Variants in HERC2 observed in about 807,000 individuals in gnomAD.
HERC2 encodes the protein E3 ubiquitin-protein ligase HERC2.
HERC2 carries 102 observed loss-of-function variants against 537.7 expected under a neutral mutation model. That is an observed-to-expected ratio of 0.19 (90% CI 0.16 to 0.22). HERC2 has a LOEUF of 0.22. Ranked by LOEUF, HERC2 falls within the 10% of genes least tolerant of loss-of-function variation. The pLI is 1.00. For synonymous variants in HERC2, 2,224 were observed against 2,466.2 expected (o/e 0.90, Z 2.91); for missense variants, 4,236 against 6,198.2 (o/e 0.68, Z 10.63).
At chr15:28,264,725 CT>C (rs2075514840) in intron 14 of HERC2, among the ~76,000 whole-genome samples, 2 of 152,212 alleles carry the variant, frequency 1.3e-5, no homozygotes, top group African/African-American at 4.8e-5. Flanking sequence ...CAGCTTAGAC[CT>C]TACAAAACTT....
chr15:28,246,821 C>T lies in HERC2; in HGVS notation c.3312G>A (p.Leu1104=), dbSNP rs143557450. The change falls in exon 22 of 93, where the codon CTG becomes CTA. Residue 1104 remains leucine (L), a synonymous_variant. Transcript: ENST00000261609. The part of the protein sequence containing the change: ...ALLCTHIGDI[L]PVAASIASTS... ...TAGAAGCAATGCTGGCGGCCACAGG[C>T]AGTATATCTCCAATGTGCGTGCACA... is the stretch of plus-strand genomic sequence containing the variant. 1,309 of 1,610,690 alleles carry T rather than the reference C, an allele frequency of 8.1e-4. 6 individuals carry two copies. In the African/African-American group the frequency reaches 0.016, roughly 20 times the overall value.
Position 28,113,283 on chromosome 15 carries a change from C to T in HERC2, c.14020G>A (p.Val4674Met), listed in dbSNP as rs1396293557. Residue 4674 changes from valine (V) to methionine (M), a missense_variant and splice_region_variant, in exon 92 of 93, where the codon GTG becomes ATG. By Grantham distance (21) the Val-to-Met change is conservative (BLOSUM62 1). Around this residue, in one of 27 missense-constraint regions of HERC2, gnomAD observed 313 missense variants for 462.6 expected, o/e 0.68. Transcript: ENST00000261609. This position sits in a 1 kb window ranked among gnomAD's most constrained non-coding sequence, Gnocchi z 7.0. Reference sequence around the variant, plus strand: ...AGCGGGATGTCAGGGCTGCCACACACCTGCGGGAGGATGTCTGTCAGGGCC... The same window carrying T: ...AGCGGGATGTCAGGGCTGCCACACATCTGCGGGAGGATGTCTGTCAGGGCC... ...LFTGYELETM[V>M]CGSPDIPLHL... 6.2e-7 allele frequency: 1 copy of T among 1,613,976 alleles called. No individual in the cohort carries two copies. Among genetic ancestry groups the T allele is most frequent in the South Asian group, 1.1e-5 (1 of 91,086 alleles).
chr15:28,314,452 C>T (rs1371269425), intron 2 of HERC2, among the ~76,000 whole-genome samples: 34 of 152,108 alleles, frequency 2.2e-4, no homozygotes, highest in Admixed American at 2.2e-3. Context: ...GTGATTTTAG[C>T]CTACTCTGCC....
At chr15:28,287,621 A>G (rs1410636227) in intron 4 of HERC2, among the ~76,000 whole-genome samples, 1 of 152,120 alleles carries the variant, frequency 6.6e-6, no homozygotes, top group Non-Finnish European at 1.5e-5. Flanking sequence ...AGGAGCTTCA[A>G]ATGCATTACT....
chr15:28,295,317 G>A (rs1410202734), intron 3 of HERC2, among the ~76,000 whole-genome samples: 6 of 134,514 alleles, frequency 4.5e-5, no homozygotes, highest in Admixed American at 2.2e-4. Context: ...GTGGGGGGGG[G>A]GGAGTGGGGG....
At chr15:28,159,192 G>A (rs995842953) in intron 69 of HERC2, among the ~76,000 whole-genome samples, 1 of 152,096 alleles carries the variant, frequency 6.6e-6, no homozygotes, top group African/African-American at 2.4e-5. Flanking sequence ...TTTCAACTTT[G>A]GTGAATCTGA....
intron 4 of HERC2, among the ~76,000 whole-genome samples, chr15:28,282,942 GGGAAGGGATGGGAAGGGACA>G (rs1392951202): frequency 6.7e-6 from 1 of 149,510 alleles, no homozygotes; most frequent in East Asian, 2.0e-4. Context: ...GGGAAGGGAC[GGGAAGGGATGGGAAGGGACA>G]GGAAGGGATG....
intron 4 of HERC2, among the ~76,000 whole-genome samples, chr15:28,288,310 G>T (rs1050026191): frequency 6.6e-6 from 1 of 151,736 alleles, no homozygotes; most frequent in African/African-American, 2.4e-5. Context: ...TGGATCACCT[G>T]AGGTCAGGAG....
rs143290070 is a variant in HERC2 at position 28,147,506 on chromosome 15, G to A, written c.10901-1162C>T. Among the ~76,000 whole-genome samples the A allele has an allele frequency of 3.6e-3, 548 of 151,572 alleles. 6 individuals are homozygous for A. The highest frequency in any genetic ancestry group is 0.013 in the African/African-American group (521 of 41,372). On this transcript the variant is annotated intron_variant, in intron 70 of 92. Transcript: ENST00000261609. ...ATATAAAATTTTAAAAATTAGCTGG[G>A]CACGGCCTATAGTCCCAGTTACTCA...
intron 50 of HERC2, 97 bp downstream of exon 50, chr15:28,198,281 G>A: frequency 1.5e-6 from 2 of 1,372,894 alleles, no homozygotes; most frequent in Non-Finnish European, 2.0e-6. Context: ...TTCAACACTT[G>A]TTTTCTGTTT....
intron 40 of HERC2, 27 bp downstream of exon 40, chr15:28,214,628 G>T (rs374062477): frequency 3.5e-5 from 56 of 1,609,856 alleles, no homozygotes; most frequent in Non-Finnish European, 4.7e-5. Flanking sequence ...CTTCACCAGG[G>T]CACAGGGAAG....
chr15:28,299,157 C>T (rs1421131202), intron 3 of HERC2, among the ~76,000 whole-genome samples: 1 of 151,852 alleles, frequency 6.6e-6, no homozygotes, highest in Non-Finnish European at 1.5e-5. Context: ...GTAATACACC[C>T]CCAAAGAACA....
Position 28,177,578 on chromosome 15 carries a change from C to A in HERC2, c.9164-69G>T. 1 of 1,409,410 alleles carries A rather than the reference C, an allele frequency of 7.1e-7. No homozygotes were observed. Among genetic ancestry groups the A allele is most frequent in the African/African-American group, 1.4e-5 (1 of 70,788 alleles). 87.3% of individuals were successfully genotyped at this position (1,409,410 alleles called of 1,614,324 possible). A position where few individuals can be genotyped will look rare whatever the true frequency, so the allele number is the denominator to read the frequency against. On this transcript the variant is annotated intron_variant, in intron 59 of 92. Coordinates refer to ENST00000261609, the MANE Select transcript of HERC2 (RefSeq NM_004667.6). The surrounding 1 kb of genome is among the most constrained non-coding windows in gnomAD (Gnocchi z 5.0). ...AGAAAGCCCACAGCATAGCTAGCTC[C>A]CTATTTTGCCTGGCATATAGCACAC...
intron 86 of HERC2, chr15:28,117,972 T>C: frequency 4.1e-6 from 1 of 241,850 alleles, no homozygotes; most frequent in South Asian, 5.6e-5. Context: ...TGAGAATGTA[T>C]TTTGATGACT....
chr15:28,247,598 T>TA (rs1480326409), intron 21 of HERC2, among the ~76,000 whole-genome samples: 3 of 151,992 alleles, frequency 2.0e-5, no homozygotes, highest in Non-Finnish European at 4.4e-5. Context: ...CCAGCTAATT[T>TA]TTTGTATTTT....
rs1415601665 is a variant in HERC2, at chr15:28,208,944, A to G, written c.7069+2058T>C. On this transcript the variant is annotated intron_variant, in intron 44 of 92. Coordinates refer to ENST00000261609, the MANE Select transcript of HERC2 (RefSeq NM_004667.6). ...TGATCACAGAAAAGGACTTTCCCCG[A>G]AAAGACTTAGCATAATGTCTTTCAA... Among the ~76,000 whole-genome samples the G allele has an allele frequency of 2.0e-5, 3 of 152,242 alleles. No homozygotes were observed. The East Asian group carries it at 5.8e-4, about 29-fold the overall frequency.
chr15:28,226,419 G>A (rs1238002173), intron 35 of HERC2, among the ~76,000 whole-genome samples: 4 of 151,642 alleles, frequency 2.6e-5, no homozygotes, highest in African/African-American at 9.7e-5. Flanking sequence ...TCAACATATA[G>A]AATGTGATAA....
chr15:28,253,957 G>A (rs952095577), intron 20 of HERC2, among the ~76,000 whole-genome samples: 15 of 151,616 alleles, frequency 9.9e-5, no homozygotes, highest in African/African-American at 2.2e-4. Context: ...GCGAGATTCC[G>A]TCTTAAAAAA....
At chr15:28,186,094 T>C (rs573957950) in intron 56 of HERC2, among the ~76,000 whole-genome samples, 18 of 152,336 alleles carry the variant, frequency 1.2e-4, no homozygotes, top group African/African-American at 4.1e-4. Context: ...ACAATAGTGA[T>C]GGTTGCACAA....
Sources: allele counts gnomAD v4.1 joint callset (sites outside exome capture counted in the v4.1 genomes callset), GRCh38; gene constraint gnomAD v4.1.1; regional missense constraint gnomAD v4.1.1; non-coding constraint Gnocchi (gnomAD v3.1); transcripts MANE v1.5; gene names NCBI Gene and HGNC (gene_info 2026-07-23, HGNC 2026-07-21).